CNTN5: variants seen among roughly 807,000 people sequenced by gnomAD.
CNTN5 encodes contactin 5.
A neutral mutation model predicts 129.1 loss-of-function variants in CNTN5; 77 were observed. The ratio of observed to expected loss-of-function variants is 0.60; its 90% CI spans 0.50 to 0.72. The LOEUF is 0.72. CNTN5 is among the 30% of genes least tolerant of loss of function. The pLI is 0.00. For missense variants in CNTN5, 1,478 were observed against 1,328.8 expected (o/e 1.11, Z -1.75); for synonymous variants, 509 against 465.6 (o/e 1.09, Z -1.20).
Position 100,350,793 on chromosome 11 carries a change from A to G in CNTN5, c.3122A>G (p.Tyr1041Cys), listed in dbSNP as rs200464633. The change falls in exon 24 of 25, where the codon TAT becomes TGT. Residue 1041 changes from tyrosine to cysteine, a missense_variant. By Grantham distance (194) the Tyr-to-Cys change is radical. Coordinates refer to ENST00000524871, the MANE Select transcript of CNTN5 (RefSeq NM_014361.4). ...AVVPLPDAGV[Y>C]IIEVRAYSEG... ...GTACCACTCCCAGATGCTGGAGTCT[A>G]TATTATTGAAGTTCGAGCATATAGT... is the stretch of plus-strand genomic sequence containing the variant. The G allele has an allele frequency of 1.4e-4, 219 of 1,608,584 alleles. 1 individual carries two copies. In the East Asian group the frequency reaches 1.9e-3, roughly 14 times the overall value.
chr11:99,322,392 A>G (rs1396412511), intron 1 of CNTN5, among the ~76,000 whole-genome samples: 2 of 152,172 alleles, frequency 1.3e-5, no homozygotes, highest in African/African-American at 4.8e-5. Context: ...AGAAGTAGAA[A>G]GAACACAAAA....
chr11:99,689,343 C>T (rs1238940946), intron 3 of CNTN5, among the ~76,000 whole-genome samples: 1 of 151,784 alleles, frequency 6.6e-6, no homozygotes, highest in Non-Finnish European at 1.5e-5. Context: ...CTGGCTAACA[C>T]AGTGAAACCC....
Position 99,844,201 on chromosome 11 carries a change from C to G in CNTN5, c.278-651C>G, listed in dbSNP as rs534486161. On this transcript the variant is annotated intron_variant, in intron 4 of 24. Coordinates refer to ENST00000524871, the MANE Select transcript of CNTN5 (RefSeq NM_014361.4). ...TGCTCTTCCCACTGGCCTCCACTTC[C>G]TTTTATGCCTTTTGTCTTCTGATCT... Among the ~76,000 whole-genome samples the G allele has an allele frequency of 1.1e-4, 16 of 152,286 alleles. No individual in the cohort carries two copies. In the South Asian group the frequency reaches 2.7e-3, roughly 26 times the overall value.
At chr11:100,017,997 A>T (rs976912729) in intron 9 of CNTN5, among the ~76,000 whole-genome samples, 3 of 152,026 alleles carry the variant, frequency 2.0e-5, no homozygotes, top group African/African-American at 7.2e-5. Flanking sequence ...TGGGGGGGTA[A>T]AATGGGTATA....
intron 9 of CNTN5, among the ~76,000 whole-genome samples, chr11:100,017,012 T>C (rs1287005902): frequency 1.3e-5 from 2 of 151,968 alleles, no homozygotes; most frequent in African/African-American, 4.8e-5. Flanking sequence ...ATATGTCTGC[T>C]GCTGCTTTAT....
chr11:99,631,069 G>A (rs1418818351), intron 3 of CNTN5, among the ~76,000 whole-genome samples: 1 of 152,030 alleles, frequency 6.6e-6, no homozygotes, highest in African/African-American at 2.4e-5. Flanking sequence ...CAGAGTTGCT[G>A]GGTTTTATTT....
intron 3 of CNTN5, among the ~76,000 whole-genome samples, chr11:99,765,118 A>G (rs1253581665): frequency 2.0e-5 from 3 of 152,088 alleles, no homozygotes; most frequent in Non-Finnish European, 2.9e-5. Context: ...AGAATATAAA[A>G]TATTATTACA....
intron 3 of CNTN5, among the ~76,000 whole-genome samples, chr11:99,569,715 G>T (rs1480099310): frequency 6.6e-6 from 1 of 152,252 alleles, no homozygotes; most frequent in African/African-American, 2.4e-5. Flanking sequence ...TTTTTTAAAT[G>T]AATGAAAAGA....
intron 20 of CNTN5, among the ~76,000 whole-genome samples, chr11:100,303,861 C>T (rs1323127433): frequency 6.6e-6 from 1 of 151,622 alleles, no homozygotes; most frequent in Non-Finnish European, 1.5e-5. Context: ...AATTTCCTGT[C>T]TTTTCCAGAT....
chr11:99,110,901 T>C (rs947484725), intron 1 of CNTN5, among the ~76,000 whole-genome samples: 2 of 152,272 alleles, frequency 1.3e-5, no homozygotes, highest in South Asian at 4.1e-4. Flanking sequence ...ATGACCAATA[T>C]ATAAAACTTT....
chr11:99,969,763 G>A (rs1291552235), intron 8 of CNTN5, among the ~76,000 whole-genome samples: 4 of 152,028 alleles, frequency 2.6e-5, no homozygotes, highest in African/African-American at 7.2e-5. Flanking sequence ...CCCCAAATCA[G>A]TCATTCCATG....
chr11:99,860,551 A>T (rs1948172907), intron 6 of CNTN5, among the ~76,000 whole-genome samples: 1 of 152,122 alleles, frequency 6.6e-6, no homozygotes, highest in South Asian at 2.1e-4. Context: ...AGCATCATTT[A>T]TTGGTTAGTA....
At chr11:99,934,933 TATATATATATATATACACACAC>T (rs1950279558) in intron 7 of CNTN5, among the ~76,000 whole-genome samples, 1 of 69,050 alleles carries the variant, frequency 1.4e-5, no homozygotes, top group Non-Finnish European at 2.9e-5. Context: ...TATATATATA[TATATATATATATATACACACAC>T]ATATATATGG....
chr11:99,773,490 G>A (rs963573504), intron 3 of CNTN5, among the ~76,000 whole-genome samples: 4 of 151,804 alleles, frequency 2.6e-5, no homozygotes, highest in Non-Finnish European at 4.4e-5. Context: ...TTTGTACTGT[G>A]TATGTATTTA....
intron 1 of CNTN5, among the ~76,000 whole-genome samples, chr11:99,209,155 A>T (rs1431970375): frequency 3.3e-5 from 5 of 150,116 alleles, no homozygotes; most frequent in Admixed American, 6.9e-5. Flanking sequence ...TCCATCTAGG[A>T]TTTAATAAGA....
intron 15 of CNTN5, among the ~76,000 whole-genome samples, chr11:100,199,953 T>A (rs1948737546): frequency 6.6e-6 from 1 of 152,044 alleles, no homozygotes; most frequent in Non-Finnish European, 1.5e-5. Context: ...TTTCTCTGCT[T>A]AGCCAACTGC....
chr11:99,440,198 A>T (rs573270914), intron 2 of CNTN5, among the ~76,000 whole-genome samples: 1 of 152,242 alleles, frequency 6.6e-6, no homozygotes, highest in South Asian at 2.1e-4. Context: ...CTTATAAATT[A>T]TACCAGCTAA....
chr11:99,843,477 ATTTAT>A (rs1035510090), intron 4 of CNTN5, among the ~76,000 whole-genome samples: 56 of 152,218 alleles, frequency 3.7e-4, no homozygotes, highest in African/African-American at 1.3e-3. Flanking sequence ...TTCCTGGAAC[ATTTAT>A]TTTTATACTT....
intron 2 of CNTN5, among the ~76,000 whole-genome samples, chr11:99,529,470 G>T (rs1373419151): frequency 6.6e-6 from 1 of 152,110 alleles, no homozygotes; most frequent in East Asian, 1.9e-4. Flanking sequence ...TTGTGATTGG[G>T]ATTTTTAGAA....
Sources: allele counts gnomAD v4.1 joint callset (sites outside exome capture counted in the v4.1 genomes callset), GRCh38; gene constraint gnomAD v4.1.1; transcripts MANE v1.5; gene names NCBI Gene and HGNC (gene_info 2026-07-23, HGNC 2026-07-21).